NBPF9: variants seen among roughly 807,000 people sequenced by gnomAD.
The protein encoded by NBPF9 is NBPF member 9.
A neutral mutation model predicts 97.8 loss-of-function variants in NBPF9; 91 were observed. The observed-to-expected ratio is 0.93, with a 90% confidence interval of 0.79 to 1.11. The LOEUF (loss-of-function observed/expected upper bound fraction) is 1.11, where lower values mean the gene tolerates loss of function less well. Ranked by LOEUF, NBPF9 falls within the 50% of genes least tolerant of loss-of-function variation. NBPF9 has a pLI of 0.00. For synonymous variants in NBPF9, 334 were observed against 359.5 expected (o/e 0.93, Z 0.80); for missense variants, 992 against 939.5 (o/e 1.06, Z -0.73).
chr1:149,084,428 TTATATATA>T (rs1186413462), intron 5 of NBPF9, among the ~76,000 whole-genome samples: 2 of 146,040 alleles, frequency 1.4e-5, no homozygotes, highest in African/African-American at 5.1e-5. Context: ...TGTATATATA[TTATATATA>T]TATATATTTT....
intron 7 of NBPF9, among the ~76,000 whole-genome samples, chr1:149,081,576 T>C (rs1275716103): frequency 6.6e-6 from 1 of 152,078 alleles, no homozygotes; most frequent in Non-Finnish European, 1.5e-5. Context: ...CAACGGAAAT[T>C]TGAACTGAAT....
At chr1:149,085,330 T>C (rs7555273) in intron 5 of NBPF9, among the ~76,000 whole-genome samples, 26,027 of 152,140 alleles carry the variant, frequency 0.17, 2,184 homozygotes, top group Admixed American at 0.22. Flanking sequence ...TATTTATGAA[T>C]ACTTACACCA....
intron 26 of NBPF9, 113 bp downstream of exon 26, chr1:149,058,812 C>T: frequency 1.4e-6 from 1 of 702,644 alleles, no homozygotes; most frequent in Admixed American, 2.0e-5. Context: ...GCCCATAGGT[C>T]CTGCCTGTGG....
intron 13 of NBPF9, 139 bp downstream of exon 13, chr1:149,073,629 A>G (rs2079593810): frequency 2.8e-6 from 2 of 715,712 alleles, no homozygotes; most frequent in South Asian, 3.2e-5. Flanking sequence ...TTTGATAAAT[A>G]TTTGTGTGTA....
In NBPF9 at chr1:149,062,802, T is replaced by A. The variant is rs1466159704; in HGVS notation, c.2078+60A>T. 9 of 757,552 alleles carry A rather than the reference T, an allele frequency of 1.2e-5. No individual in the cohort carries two copies. In the Admixed American group the frequency reaches 1.4e-4, roughly 12 times the overall value. 46.9% of individuals were successfully genotyped at this position (757,552 alleles called of 1,614,324 possible). A position where few individuals can be genotyped will look rare whatever the true frequency, so the allele number is the denominator to read the frequency against. The stretch of plus-strand genomic sequence containing the variant: ...AAATTGAACACACTCTTGTTTTCCC[T>A]GGACCTGGCATCTCCAGGTGTCAAC... On this transcript the variant is annotated intron_variant, in intron 21 of 29. Coordinates refer to ENST00000584027, the Ensembl canonical transcript of NBPF9.
At chr1:149,082,382 G>A (rs1445678025) in exon 6 of NBPF9, 71 of 1,440,160 alleles carry the variant, frequency 4.9e-5, no homozygotes, top group Non-Finnish European at 6.5e-5. Context: ...CAGTAGCTCA[G>A]ACTCTGATAA....
At chr1:149,068,344 G>C (rs1406604743) in intron 17 of NBPF9, among the ~76,000 whole-genome samples, 48 of 151,298 alleles carry the variant, frequency 3.2e-4, no homozygotes, top group African/African-American at 1.2e-3. Context: ...ATTGGATAAA[G>C]AGTCAAGACC....
At chr1:149,084,658 A>G (rs2080843110) in intron 5 of NBPF9, among the ~76,000 whole-genome samples, 1 of 151,488 alleles carries the variant, frequency 6.6e-6, no homozygotes, top group Admixed American at 6.6e-5. Context: ...GGACACGGCC[A>G]TTGTGGGCAA....
chr1:149,103,429 C>G (rs2082284545), exon 1 of NBPF9: 2 of 152,488 alleles, frequency 1.3e-5, no homozygotes, highest in East Asian at 3.9e-4. Context: ...GCACCGCGTT[C>G]ACTCAGAAGC....
chr1:149,089,208 C>T (rs4067696), intron 5 of NBPF9, among the ~76,000 whole-genome samples: 11 of 152,288 alleles, frequency 7.2e-5, no homozygotes, highest in South Asian at 2.1e-4. Flanking sequence ...GACCTTTACA[C>T]GCACACCGCT....
intron 11 of NBPF9, among the ~76,000 whole-genome samples, 174 bp from the exon 12 acceptor site, chr1:149,076,038 G>A (rs2079837552): frequency 6.6e-6 from 1 of 152,024 alleles, no homozygotes; most frequent in Non-Finnish European, 1.5e-5. Flanking sequence ...ACTTGTCTTA[G>A]CTATGCAGTC....
intron 19 of NBPF9, among the ~76,000 whole-genome samples, 169 bp from the exon 20 acceptor site, chr1:149,063,974 G>C (rs1221582773): frequency 7.9e-6 from 1 of 125,932 alleles, no homozygotes. Flanking sequence ...GGGCCAGGTA[G>C]AAAAGGATGA....
rs587596758 is a variant in NBPF9 at position 149,074,150 on chromosome 1, G to C, written c.989-280C>G. On this transcript the variant is annotated intron_variant, in intron 12 of 29. Transcript: ENST00000584027. ...TGGAGTCAGAATTCACAGTCCCTGA[G>C]GTCTGACTCTGAATGCGGGGCCACT... 1.3e-4 allele frequency among the ~76,000 whole-genome samples: 19 copies of C among 151,452 alleles called. No individual in the cohort carries two copies. In the South Asian group the frequency reaches 3.8e-3, roughly 30 times the overall value.
Position 149,079,337 on chromosome 1 carries a change from A to T in NBPF9, c.279-116T>A, listed in dbSNP as rs1401216814. 6 of 1,131,654 alleles carry T rather than the reference A, an allele frequency of 5.3e-6. No individual in the cohort carries two copies. The Admixed American group carries it at 1.0e-4, about 19-fold the overall frequency. The allele number at this position is 1,131,654 out of a possible 1,614,324, so 70.1% of individuals were successfully genotyped here. ...CAAGGAGACCTTGAAACAGAAGGTC[A>T]GCACATGTTGAAAGGAATGTCTGTG... On this transcript the variant is annotated intron_variant, in intron 8 of 29. Transcript: ENST00000584027.
intron 13 of NBPF9, 80 bp from the exon 14 acceptor site, chr1:149,073,012 AAC>A: frequency 2.0e-6 from 3 of 1,510,498 alleles, no homozygotes; most frequent in South Asian, 2.2e-5. Flanking sequence ...AGATTTCTGA[AAC>A]AGTGTCCTCA....
At chr1:149,059,993 A>C (rs2078494029) in intron 24 of NBPF9, 185 bp from the exon 25 acceptor site, 1 of 396,806 alleles carries the variant, frequency 2.5e-6, no homozygotes, top group African/African-American at 2.8e-5. Context: ...TTCTCCCAGA[A>C]ACTGTGGGTA....
intron 8 of NBPF9, 51 bp from the exon 9 acceptor site, chr1:149,079,272 C>T (rs1436143131): frequency 1.6e-5 from 19 of 1,180,894 alleles, no homozygotes; most frequent in Non-Finnish European, 2.1e-5. Flanking sequence ...TTGAGTGATC[C>T]GTTCAAATAT....
intron 19 of NBPF9, among the ~76,000 whole-genome samples, chr1:149,064,171 G>C (rs1307860369): frequency 1.4e-4 from 19 of 139,566 alleles, no homozygotes; most frequent in African/African-American, 4.8e-4. Context: ...CATAAAATGT[G>C]CTCAAGTTTC....
At position 149,062,269 on chromosome 1, in the gene NBPF9, G is replaced by C. The variant is rs781803672; in HGVS notation, c.2079-4C>G. On this transcript the variant is annotated splice_polypyrimidine_tract_variant and splice_region_variant and intron_variant, in intron 21 of 29. Coordinates refer to ENST00000584027, the Ensembl canonical transcript of NBPF9. ...ATCCAGCAGCTCCCTGCTGAGCCTG[G>C]AAAAGTAGGAAAAAGTAAAGAATAA... The C allele has an allele frequency of 9.1e-6, 6 of 662,684 alleles. No homozygotes were observed. The highest frequency in any genetic ancestry group is 7.0e-5 in the South Asian group (4 of 57,446). 41.1% of individuals were successfully genotyped at this position (662,684 alleles called of 1,614,324 possible).
Sources: allele counts gnomAD v4.1 joint callset (sites outside exome capture counted in the v4.1 genomes callset), GRCh38; gene constraint gnomAD v4.1.1; transcripts MANE v1.5; gene names NCBI Gene and HGNC (gene_info 2026-07-23, HGNC 2026-07-21).